IKZF2: variants seen among roughly 807,000 people sequenced by gnomAD.
IKZF2 encodes IKAROS family zinc finger 2.
IKZF2 carries 15 observed loss-of-function variants against 49.2 expected under a neutral mutation model. The observed-to-expected ratio is 0.30, with a 90% CI of 0.20 to 0.47. IKZF2 has a LOEUF of 0.47. Ranked by LOEUF, IKZF2 falls within the 20% of genes least tolerant of loss-of-function variation. The pLI is 1.00. For synonymous variants in IKZF2, 227 were observed against 221.4 expected (o/e 1.03, Z -0.23); for missense variants, 567 against 664.6 (o/e 0.85, Z 1.61).
chr2:213,013,457 T>C (rs935163680), intron 8 of IKZF2, among the ~76,000 whole-genome samples: 1 of 151,888 alleles, frequency 6.6e-6, no homozygotes, highest in Non-Finnish European at 1.5e-5. Flanking sequence ...TAAAACAGAT[T>C]ACAAAACTGG....
intron 4 of IKZF2, among the ~76,000 whole-genome samples, chr2:213,123,014 A>G (rs1387540781): frequency 6.6e-6 from 1 of 152,212 alleles, no homozygotes; most frequent in African/African-American, 2.4e-5. Context: ...ACAACAGTAA[A>G]TCCAATAAAG....
chr2:213,013,231 T>C (rs1696174110), intron 8 of IKZF2, among the ~76,000 whole-genome samples: 1 of 151,930 alleles, frequency 6.6e-6, no homozygotes, highest in African/African-American at 2.4e-5. Context: ...AAAAGAAAAA[T>C]TATCTTCATT....
intron 4 of IKZF2, chr2:213,098,032 A>T (rs1172364078): frequency 2.1e-5 from 5 of 239,468 alleles, no homozygotes; most frequent in Non-Finnish European, 3.5e-5. Flanking sequence ...ATCTCAAAAA[A>T]GTCACAGAAG....
In IKZF2 at chr2:213,007,227, G is replaced by C; in HGVS notation, c.*133C>G. The C allele has an allele frequency of 2.1e-6, 2 of 970,228 alleles. No individual in the cohort carries two copies. Among genetic ancestry groups the C allele is most frequent in the South Asian group, 3.8e-5 (2 of 52,424 alleles). The allele number at this position is 970,228 out of a possible 1,614,324, so 60.1% of individuals were successfully genotyped here. A position where few individuals can be genotyped will look rare whatever the true frequency, so the allele number is the denominator to read the frequency against. On this transcript the variant is annotated 3_prime_UTR_variant, in exon 9 of 9. Transcript: ENST00000434687. The stretch of plus-strand genomic sequence containing the variant: ...AAATGACACTGCCTCCACAAAATAA[G>C]AATTATCAACAGTAATAATATTAAA...
At chr2:213,051,520 T>C (rs1028190531) in intron 5 of IKZF2, among the ~76,000 whole-genome samples, 2 of 151,994 alleles carry the variant, frequency 1.3e-5, no homozygotes, top group Non-Finnish European at 2.9e-5. Flanking sequence ...GTAAGATCTA[T>C]ATCTCCTCAT....
chr2:213,060,644 T>C (rs1421462289), intron 4 of IKZF2, among the ~76,000 whole-genome samples: 1 of 151,486 alleles, frequency 6.6e-6, no homozygotes, highest in Non-Finnish European at 1.5e-5. Context: ...TGTGGAAATG[T>C]ACACACGTTA....
intron 4 of IKZF2, among the ~76,000 whole-genome samples, chr2:213,077,656 C>T (rs1293622007): frequency 6.3e-5 from 8 of 126,746 alleles, no homozygotes; most frequent in African/African-American, 1.5e-4. Context: ...GGTGCAATTT[C>T]GGCTCACTGC....
At position 213,006,652 on chromosome 2, in the gene IKZF2, A is replaced by C. The variant is rs768030443; in HGVS notation, c.*708T>G. 6.6e-6 allele frequency: 1 copy of C among 152,426 alleles called. No homozygotes were observed. The highest frequency in any genetic ancestry group is 1.5e-5 in the Non-Finnish European group (1 of 68,000). The allele number at this position is 152,426 out of a possible 1,614,324, so 9.4% of individuals were successfully genotyped here. A position where few individuals can be genotyped will look rare whatever the true frequency, so the allele number is the denominator to read the frequency against. On this transcript the variant is annotated 3_prime_UTR_variant, in exon 9 of 9. Coordinates refer to ENST00000434687, the MANE Select transcript of IKZF2 (RefSeq NM_001387220.1). ...GGGTGTCTATAAAATGCCAGTCATC[A>C]AAACTATGGAAAAACAGTGCTTACG...
intron 4 of IKZF2, among the ~76,000 whole-genome samples, chr2:213,122,524 T>C (rs2060092982): frequency 6.6e-6 from 1 of 152,210 alleles, no homozygotes; most frequent in Admixed American, 6.5e-5. Flanking sequence ...CCCTATGACA[T>C]AACTATTTTA....
chr2:213,113,831 C>T (rs2059789689), intron 4 of IKZF2, among the ~76,000 whole-genome samples: 1 of 152,064 alleles, frequency 6.6e-6, no homozygotes, highest in Non-Finnish European at 1.5e-5. Flanking sequence ...TTAAAGTTGG[C>T]ATCTATTGAG....
At position 213,003,532 on chromosome 2, in the gene IKZF2, T is replaced by G. The variant is rs1055035775; in HGVS notation, c.*3828A>C. On this transcript the variant is annotated 3_prime_UTR_variant, in exon 9 of 9. Coordinates refer to ENST00000434687, the MANE Select transcript of IKZF2 (RefSeq NM_001387220.1). ...ATCATGTAGCTAGTACCTCTGACAG[T>G]TTAAGTTCTGCCTGAAACTAGGGGC... 1.3e-5 allele frequency: 2 copies of G among 151,720 alleles called. No individual in the cohort carries two copies. Among genetic ancestry groups the G allele is most frequent in the African/African-American group, 4.8e-5 (2 of 41,402 alleles). 9.4% of individuals were successfully genotyped at this position (151,720 alleles called of 1,614,324 possible). A position where few individuals can be genotyped will look rare whatever the true frequency, so the allele number is the denominator to read the frequency against.
intron 4 of IKZF2, among the ~76,000 whole-genome samples, chr2:213,105,113 A>G (rs893762513): frequency 1.3e-5 from 2 of 151,986 alleles, no homozygotes; most frequent in African/African-American, 4.8e-5. Flanking sequence ...TGTCAAAAAG[A>G]CTTCCCTTAA....
intron 6 of IKZF2, among the ~76,000 whole-genome samples, chr2:213,039,748 T>G (rs1699427684): frequency 6.6e-6 from 1 of 152,258 alleles, no homozygotes; most frequent in South Asian, 2.1e-4. Flanking sequence ...AATTATATCA[T>G]ATGCTCAATG....
At chr2:213,129,803 T>C (rs1228600456) in intron 4 of IKZF2, among the ~76,000 whole-genome samples, 2 of 152,190 alleles carry the variant, frequency 1.3e-5, no homozygotes, top group Non-Finnish European at 2.9e-5. Context: ...AGACTAAAGT[T>C]ACAGTAGCGG....
intron 4 of IKZF2, among the ~76,000 whole-genome samples, chr2:213,080,884 A>G (rs145495637): frequency 4.4e-4 from 67 of 152,308 alleles, no homozygotes; most frequent in Non-Finnish European, 8.1e-4. Context: ...TCCATTTAAT[A>G]AGGGATGAAA....
rs75591987 is a variant in IKZF2 at position 213,031,696 on chromosome 2, C to T, written c.575-9566G>A. Among the ~76,000 whole-genome samples, 706 of 152,282 alleles carry T rather than the reference C, an allele frequency of 4.6e-3. 9 individuals are homozygous for T. Among genetic ancestry groups the T allele is most frequent in the Middle Eastern group, 0.034 (10 of 294 alleles). On this transcript the variant is annotated intron_variant, in intron 6 of 8. Transcript: ENST00000434687. ...ATATTTTGGCAGTGTAACAGTTATG[C>T]TTCCCCAGCATTTCCTTACCACATA...
intron 6 of IKZF2, among the ~76,000 whole-genome samples, chr2:213,039,157 T>G (rs947687418): frequency 6.6e-6 from 1 of 152,070 alleles, no homozygotes; most frequent in African/African-American, 2.4e-5. Context: ...AAACATAGGA[T>G]GAGTCATAAT....
intron 4 of IKZF2, among the ~76,000 whole-genome samples, chr2:213,067,316 T>C (rs1372752548): frequency 6.6e-6 from 1 of 152,046 alleles, no homozygotes; most frequent in African/African-American, 2.4e-5. Context: ...ACAGGGAAGA[T>C]GCAGAAGGCT....
In IKZF2 at chr2:213,001,837, C is replaced by A. The variant is rs1480125679; in HGVS notation, c.*5523G>T. 6.6e-6 allele frequency: 1 copy of A among 151,724 alleles called. No homozygotes were observed. The highest frequency in any genetic ancestry group is 1.5e-5 in the Non-Finnish European group (1 of 67,490). The allele number at this position is 151,724 out of a possible 1,614,324, so 9.4% of individuals were successfully genotyped here. ...TTATGTTCAAAATCAGAATGCTTGACTGTAAAAAATTTTTAAATCACAGTT... is the reference window on the plus strand; with the variant it reads ...TTATGTTCAAAATCAGAATGCTTGAATGTAAAAAATTTTTAAATCACAGTT... On this transcript the variant is annotated 3_prime_UTR_variant, in exon 9 of 9. Transcript: ENST00000434687.
Sources: allele counts gnomAD v4.1 joint callset (sites outside exome capture counted in the v4.1 genomes callset), GRCh38; gene constraint gnomAD v4.1.1; transcripts MANE v1.5; gene names NCBI Gene and HGNC (gene_info 2026-07-23, HGNC 2026-07-21).